The following NAF1 variants were observed in gnomAD, a reference collection of about 807,000 sequenced individuals.
The protein encoded by NAF1 is H/ACA ribonucleoprotein complex non-core subunit NAF1.
Under a neutral mutation model 40.6 loss-of-function variants are expected in NAF1, and 11 were observed. That is an observed-to-expected ratio of 0.27 (90% CI 0.17 to 0.45). The LOEUF (loss-of-function observed/expected upper bound fraction) is 0.45. NAF1 is among the 20% of genes least tolerant of loss of function. NAF1 has a pLI of 1.00. For missense variants in NAF1, 607 were observed against 611.1 expected, an observed-to-expected ratio of 0.99 and a Z score of 0.07; for synonymous variants, 260 against 228.5, an observed-to-expected ratio of 1.14 and a Z score of -1.24.
At chr4:163,107,576 T>C (rs1269956006), downstream of NAF1, among the ~76,000 whole-genome samples, 2 of 152,210 alleles carry the variant, frequency 1.3e-5, no homozygotes, top group Non-Finnish European at 2.9e-5. Flanking sequence ...AAGCACAGTC[T>C]GTAAAGAAGC....
At chr4:163,121,183 G>C (rs372221276) in intron 2 of NAF1, among the ~76,000 whole-genome samples, 1 of 152,040 alleles carries the variant, frequency 6.6e-6, no homozygotes. Context: ...GAGCCACCCC[G>C]CCCAGCCTGA....
chr4:163,139,796 AT>A (rs1008537584), intron 5 of NAF1, among the ~76,000 whole-genome samples: 119 of 151,996 alleles, frequency 7.8e-4, no homozygotes, highest in African/African-American at 2.7e-3. Context: ...GATAACACTC[AT>A]TTTTTTTCTC....
chr4:163,162,093 A>C (rs1732248721), intron 2 of NAF1, among the ~76,000 whole-genome samples: 1 of 41,252 alleles, frequency 2.4e-5, no homozygotes, highest in Non-Finnish European at 4.1e-5. Flanking sequence ...TGATCTGTTC[A>C]AGGCTGTGTT....
chr4:163,115,860 C>T (rs1229925078), intron 2 of NAF1, among the ~76,000 whole-genome samples: 3 of 152,158 alleles, frequency 2.0e-5, no homozygotes, highest in African/African-American at 7.2e-5. Flanking sequence ...AATCTTGCAG[C>T]TGTTTTGCAT....
rs1459108447 is a variant in NAF1, at chr4:163,129,294, T to C, written c.1088A>G (p.Glu363Gly). The C allele has an allele frequency of 2.5e-6, 4 of 1,614,114 alleles. No homozygotes were observed. Among genetic ancestry groups the C allele is most frequent in the Non-Finnish European group, 3.4e-6 (4 of 1,179,958 alleles). ...TCTGTTACGATATCCTTTTGCATGC[T>C]CTGAAGCAGAGCTATGAGCATTCCA... is the stretch of plus-strand genomic sequence containing the variant. The part of the protein sequence containing the change: ...QNWNAHSSAS[E>G]HAKGYRNREF... The change falls in exon 8 of 8, where the codon GAG becomes GGG. Residue 363 changes from glutamate to glycine, a missense_variant. Glu to Gly is a moderately conservative substitution (Grantham distance 98). Transcript: ENST00000274054.
chr4:163,153,333 G>A (rs930798182), intron 2 of NAF1, among the ~76,000 whole-genome samples: 2 of 152,216 alleles, frequency 1.3e-5, no homozygotes, highest in East Asian at 1.9e-4. Flanking sequence ...GTGGGGATGT[G>A]GAGAGTCTCT....
chr4:163,166,802 A>AT lies in NAF1; in HGVS notation c.-76_-75insA. 1 of 1,554,668 alleles carries AT rather than the reference A, an allele frequency of 6.4e-7. No individual in the cohort carries two copies. Among genetic ancestry groups the AT allele is most frequent in the Non-Finnish European group, 8.7e-7 (1 of 1,153,614 alleles). ...AGCTCACGGCTCTCTCCAGAAATAG[A>AT]AAAACAACTTAGGCAACCGCAGCAA... On this transcript the variant is annotated 5_prime_UTR_variant, in exon 1 of 8. Transcript: ENST00000274054.
chr4:163,165,791 G>A (rs765715028), intron 1 of NAF1, among the ~76,000 whole-genome samples: 1 of 152,120 alleles, frequency 6.6e-6, no homozygotes, highest in African/African-American at 2.4e-5. Flanking sequence ...AGGGGGAAAG[G>A]CTCTCACAAA....
intron 4 of NAF1, 122 bp from the exon 5 acceptor site, chr4:163,140,505 G>A: frequency 1.3e-6 from 1 of 757,246 alleles, no homozygotes; most frequent in South Asian, 1.9e-5. Context: ...TCAGTGTTAG[G>A]GCAATAAAAT....
chr4:163,119,270 G>A (rs1270572573), intron 2 of NAF1: 1 of 152,192 alleles, frequency 6.6e-6, no homozygotes, highest in African/African-American at 2.4e-5. Flanking sequence ...CCTGGAATCA[G>A]CTTCATAAAA....
chr4:163,106,385 T>TTAA (rs1223101012), downstream of NAF1, among the ~76,000 whole-genome samples: 8 of 152,144 alleles, frequency 5.3e-5, no homozygotes, highest in African/African-American at 1.9e-4. Flanking sequence ...AAATTTAAAT[T>TTAA]TAATACTTCA....
intron 7 of NAF1, among the ~76,000 whole-genome samples, chr4:163,131,223 C>G (rs1730862010): frequency 6.6e-6 from 1 of 152,100 alleles, no homozygotes; most frequent in Admixed American, 6.6e-5. Context: ...AAAGGCATGA[C>G]CCATGAAAGA....
At chr4:163,140,990 C>G (rs1560792729) in intron 4 of NAF1, among the ~76,000 whole-genome samples, 1 of 152,204 alleles carries the variant, frequency 6.6e-6, no homozygotes. Flanking sequence ...ACATATTTTA[C>G]TTCTGAAAAC....
At chr4:163,141,675 TA>T (rs1437739353) in intron 4 of NAF1, among the ~76,000 whole-genome samples, 4 of 151,972 alleles carry the variant, frequency 2.6e-5, no homozygotes, top group African/African-American at 9.7e-5. Context: ...TCAGACTTCC[TA>T]AAAATTGATT....
chr4:163,110,183 G>T, exon 3 of NAF1: 1 of 638,936 alleles, frequency 1.6e-6, no homozygotes, highest in South Asian at 1.8e-5. Flanking sequence ...TAGGCTGGTA[G>T]ACTTGCTGTT....
chr4:163,154,601 G>C (rs951039554), intron 2 of NAF1, among the ~76,000 whole-genome samples: 1 of 152,150 alleles, frequency 6.6e-6, no homozygotes, highest in Non-Finnish European at 1.5e-5. Flanking sequence ...GGCCAGGAAT[G>C]GTGGCTCATG....
At chr4:163,126,818 A>G, downstream of NAF1, 1 of 993,392 alleles carries the variant, frequency 1.0e-6, no homozygotes, top group South Asian at 2.2e-5. Context: ...ACTTTTAGCA[A>G]CAACTACCCT....
At chr4:163,116,592 T>G (rs1386323633) in intron 2 of NAF1, among the ~76,000 whole-genome samples, 1 of 152,206 alleles carries the variant, frequency 6.6e-6, no homozygotes, top group Non-Finnish European at 1.5e-5. Context: ...GGTTTACTAG[T>G]GCCTTTGAGG....
intron 4 of NAF1, among the ~76,000 whole-genome samples, chr4:163,143,396 G>A (rs780361458): frequency 2.0e-5 from 3 of 152,138 alleles, no homozygotes; most frequent in African/African-American, 4.8e-5. Flanking sequence ...CCATCCCAGC[G>A]TAGGCTGGGC....
Sources: gnomAD v4.1 joint callset for allele counts (sites outside exome capture counted in the v4.1 genomes callset) on GRCh38, gnomAD v4.1.1 for gene constraint, MANE v1.5 for transcripts, NCBI Gene and HGNC (gene_info 2026-07-23, HGNC 2026-07-21) for gene names.